Variants in ZSCAN5A observed in about 807,000 individuals in gnomAD.
ZSCAN5A encodes zinc finger and SCAN domain-containing protein 5A.
ZSCAN5A carries 12 observed loss-of-function variants against 23.7 expected under a neutral mutation model. The ratio of observed to expected loss-of-function variants is 0.51; its 90% CI spans 0.32 to 0.82. ZSCAN5A has a LOEUF of 0.82. Among genes scored for constraint, ZSCAN5A ranks in the 40% least tolerant of loss-of-function variants. The pLI is 0.03. For missense variants in ZSCAN5A, 597 were observed against 617.9 expected (o/e 0.97, Z 0.36); for synonymous variants, 257 against 239.9 (o/e 1.07, Z -0.66).
chr19:56,302,591 C>T lies in ZSCAN5A; in HGVS notation c.-128+10692G>A, dbSNP rs1480531840. Among the ~76,000 whole-genome samples, 12 of 41,554 alleles carry T rather than the reference C, an allele frequency of 2.9e-4. No homozygotes were observed. The South Asian group carries it at 0.011, about 37-fold the overall frequency. 27.3% of individuals were successfully genotyped at this position (41,554 alleles called of 152,430 possible). On this transcript the variant is annotated intron_variant, in intron 2 of 5. Coordinates refer to ENST00000683990, the MANE Select transcript of ZSCAN5A (RefSeq NM_001322064.3). ...TCCTTTTCTTCCTCCCCCTTTTCTT[C>T]CTCTCCCTCTTCTTCCTCTCCCTCT...
At chr19:56,231,979 C>CTTTT (rs58374777) in intron 2 of ZSCAN5A, among the ~76,000 whole-genome samples, 3 of 92,978 alleles carry the variant, frequency 3.2e-5, no homozygotes, top group African/African-American at 1.2e-4. Flanking sequence ...TTTCTTTTTT[C>CTTTT]TTTCTTTTTT....
chr19:56,275,108 A>G (rs988099424), intron 2 of ZSCAN5A, among the ~76,000 whole-genome samples: 1 of 152,210 alleles, frequency 6.6e-6, no homozygotes, highest in African/African-American at 2.4e-5. Context: ...TGTAAACTTT[A>G]GTCCCTCGGC....
chr19:56,343,152 T>C (rs1053868523), intron 2 of ZSCAN5A: 1 of 728,336 alleles, frequency 1.4e-6, no homozygotes, highest in African/African-American at 1.8e-5. Context: ...TGGTCCTTTA[T>C]TTCATCTCTA....
chr19:56,257,340 G>A (rs762753270), intron 2 of ZSCAN5A, among the ~76,000 whole-genome samples: 1 of 152,182 alleles, frequency 6.6e-6, no homozygotes, highest in Non-Finnish European at 1.5e-5. Context: ...AGGTGGAGAT[G>A]AACCCAAGGG....
intron 2 of ZSCAN5A, among the ~76,000 whole-genome samples, chr19:56,323,061 A>T (rs1568751595): frequency 6.6e-6 from 1 of 150,960 alleles, no homozygotes; most frequent in Non-Finnish European, 1.5e-5. Context: ...CGCCCGGCTA[A>T]TTTTTTATAT....
In ZSCAN5A at chr19:56,222,278, G is replaced by A. The variant is rs1216130869; in HGVS notation, c.788C>T (p.Ser263Phe). 1 of 1,613,360 alleles carries A rather than the reference G, an allele frequency of 6.2e-7. No individual in the cohort carries two copies. The highest frequency in any genetic ancestry group is 1.3e-5 in the African/African-American group (1 of 74,928). ...KEGKDPPKIA[S>F]VENVDADTPS... ...TGTGTCAGCATCCACATTTTCCACA[G>A]AGGCTATTTTTGGGGGGTCCTTCCC... is the stretch of plus-strand genomic sequence containing the variant. Residue 263 changes from serine to phenylalanine, a missense_variant, in exon 6 of 6, where the codon TCT becomes TTT. Coordinates refer to ENST00000683990, the MANE Select transcript of ZSCAN5A (RefSeq NM_001322064.3).
chr19:56,337,500 G>A (rs960612486), intron 2 of ZSCAN5A, among the ~76,000 whole-genome samples: 3 of 152,200 alleles, frequency 2.0e-5, no homozygotes, highest in Non-Finnish European at 4.4e-5. Context: ...CTTTGACTAG[G>A]AAAGGGAATT....
chr19:56,283,488 A>G (rs1384370034), intron 2 of ZSCAN5A: 2 of 152,184 alleles, frequency 1.3e-5, no homozygotes, highest in African/African-American at 4.8e-5. Flanking sequence ...TTCAATGCCC[A>G]CATCAATATT....
At chr19:56,281,699 G>T in intron 2 of ZSCAN5A, 1 of 985,320 alleles carries the variant, frequency 1.0e-6, no homozygotes, top group Non-Finnish European at 1.2e-6. Context: ...CCAGTCAACT[G>T]TAAGTCATAT....
At chr19:56,338,562 A>C (rs1402849157) in intron 2 of ZSCAN5A, 1 of 152,308 alleles carries the variant, frequency 6.6e-6, no homozygotes. Context: ...GGAAGACTAC[A>C]GCAAAGGTCC....
chr19:56,333,993 A>G (rs879397212), intron 2 of ZSCAN5A, among the ~76,000 whole-genome samples: 2 of 152,184 alleles, frequency 1.3e-5, no homozygotes, highest in African/African-American at 4.8e-5. Flanking sequence ...ACACCACTGA[A>G]AGATTACACT....
At position 56,221,563 on chromosome 19, in the gene ZSCAN5A, C is replaced by T. The variant is rs371193579; in HGVS notation, c.*12G>A. ...TCTTCTTGGTGCAGAAGGCATAGAC[C>T]GGATTATGCAATCACTGAGAAGTAG... On this transcript the variant is annotated 3_prime_UTR_variant, in exon 6 of 6. Coordinates refer to ENST00000683990, the MANE Select transcript of ZSCAN5A (RefSeq NM_001322064.3). 1.8e-4 allele frequency: 284 copies of T among 1,572,938 alleles called. No homozygotes were observed. The highest frequency in any genetic ancestry group is 3.4e-4 in the Middle Eastern group (2 of 5,842).
At chr19:56,323,562 G>A (rs971338928) in intron 2 of ZSCAN5A, among the ~76,000 whole-genome samples, 4 of 140,204 alleles carry the variant, frequency 2.9e-5, no homozygotes, top group South Asian at 2.2e-4. Flanking sequence ...TTGAGACAGC[G>A]TTTCACTCTT....
intron 2 of ZSCAN5A, among the ~76,000 whole-genome samples, chr19:56,350,491 C>T (rs2041660800): frequency 6.6e-6 from 1 of 152,182 alleles, no homozygotes; most frequent in Non-Finnish European, 1.5e-5. Flanking sequence ...TTATTTTAGC[C>T]ACCCAATAAT....
chr19:56,281,213 C>G (rs973740453), intron 2 of ZSCAN5A, among the ~76,000 whole-genome samples: 4 of 152,064 alleles, frequency 2.6e-5, no homozygotes, highest in Admixed American at 6.6e-5. Context: ...GTCATCTTCA[C>G]AATGAGTAGG....
intron 2 of ZSCAN5A, among the ~76,000 whole-genome samples, chr19:56,238,030 A>G (rs2035108000): frequency 1.9e-4 from 1 of 5,262 alleles, no homozygotes; most frequent in Non-Finnish European, 4.1e-4. Flanking sequence ...AGAAACAAAA[A>G]GCAAGCCAGG....
intron 2 of ZSCAN5A, among the ~76,000 whole-genome samples, chr19:56,264,619 T>C (rs538529292): frequency 6.6e-6 from 1 of 152,326 alleles, no homozygotes; most frequent in South Asian, 2.1e-4. Context: ...AGTTGACCAT[T>C]TGTTTTTATA....
intron 2 of ZSCAN5A, among the ~76,000 whole-genome samples, chr19:56,301,368 C>T (rs2040216574): frequency 6.6e-6 from 1 of 152,044 alleles, no homozygotes; most frequent in African/African-American, 2.4e-5. Context: ...CCTGAAGTTG[C>T]CATGCCATCT....
chr19:56,321,302 C>T, intron 2 of ZSCAN5A: 1 of 658,842 alleles, frequency 1.5e-6, no homozygotes, highest in East Asian at 2.9e-5. Flanking sequence ...AAATAACTCG[C>T]CCATCACTGG....
Sources: allele counts gnomAD v4.1 joint callset (sites outside exome capture counted in the v4.1 genomes callset), GRCh38; gene constraint gnomAD v4.1.1; transcripts MANE v1.5; gene names NCBI Gene and HGNC (gene_info 2026-07-23, HGNC 2026-07-21).